Variants in PLEKHA3 observed in about 807,000 individuals in gnomAD.
PLEKHA3 encodes pleckstrin homology domain containing A3.
In PLEKHA3, 19 loss-of-function variants were observed where a neutral mutation model predicts 39.2. The observed-to-expected ratio is 0.48, with a 90% CI of 0.34 to 0.71. The LOEUF is 0.71. PLEKHA3 is among the 30% of genes least tolerant of loss of function. PLEKHA3 has a pLI of 0.01. For synonymous variants in PLEKHA3, 97 were observed against 118.6 expected (o/e 0.82, Z 1.18); for missense variants, 253 against 359.5 (o/e 0.70, Z 2.40).
At chr2:178,483,711 T>G (rs111619655) in intron 1 of PLEKHA3, among the ~76,000 whole-genome samples, 3,078 of 152,322 alleles carry the variant, frequency 0.02, 98 homozygotes, top group African/African-American at 0.069. Flanking sequence ...AAAGATAATG[T>G]TTTTATCATT....
At chr2:178,493,624 C>T (rs2154127791) in intron 3 of PLEKHA3, among the ~76,000 whole-genome samples, 1 of 152,284 alleles carries the variant, frequency 6.6e-6, no homozygotes, top group East Asian at 1.9e-4. Context: ...TGGTCATCAT[C>T]CTATCTCTGG....
At chr2:178,487,787 T>C (rs1685274694) in intron 2 of PLEKHA3, among the ~76,000 whole-genome samples, 1 of 152,194 alleles carries the variant, frequency 6.6e-6, no homozygotes, top group Non-Finnish European at 1.5e-5. Context: ...TCCAAAGTGA[T>C]TATATAAATT....
chr2:178,500,948 G>A, intron 6 of PLEKHA3, 113 bp from the exon 7 acceptor site: 1 of 721,222 alleles, frequency 1.4e-6, no homozygotes, highest in Middle Eastern at 4.1e-4. Context: ...ACGGGACGTT[G>A]AGCATAAAAA....
intron 1 of PLEKHA3, among the ~76,000 whole-genome samples, chr2:178,484,104 A>T (rs1246242082): frequency 1.3e-5 from 2 of 152,082 alleles, no homozygotes; most frequent in African/African-American, 4.8e-5. Context: ...AACAGCAACA[A>T]TCCCTGAAAT....
In PLEKHA3 at chr2:178,512,065, A is replaced by C. The variant is rs563433984; in HGVS notation, c.*8178A>C. ...AGGACTACCAGTGCAGCCAAGATGC[A>C]CAGCACCAGGATTAACTCATGAGAC... On this transcript the variant is annotated 3_prime_UTR_variant, in exon 8 of 8. Transcript: ENST00000234453. The C allele has an allele frequency of 1.3e-5, 2 of 152,360 alleles. No individual in the cohort carries two copies. Among genetic ancestry groups the C allele is most frequent in the East Asian group, 1.9e-4 (1 of 5,192 alleles). The allele number at this position is 152,360 out of a possible 1,614,324, so 9.4% of individuals were successfully genotyped here.
At chr2:178,492,163 A>C (rs1648306169) in intron 3 of PLEKHA3, among the ~76,000 whole-genome samples, 1 of 152,092 alleles carries the variant, frequency 6.6e-6, no homozygotes, top group African/African-American at 2.4e-5. Context: ...TTATATAATT[A>C]AATGCAAATT....
intron 6 of PLEKHA3, among the ~76,000 whole-genome samples, chr2:178,500,164 G>A (rs992458944): frequency 1.3e-5 from 2 of 151,986 alleles, no homozygotes; most frequent in East Asian, 3.8e-4. Flanking sequence ...TTAGTTCTTT[G>A]GAAAGTGATT....
chr2:178,515,762 A>G lies in PLEKHA3; in HGVS notation c.*11875A>G, dbSNP rs577310359. 6.6e-6 allele frequency: 1 copy of G among 152,154 alleles called. No homozygotes were observed. Among genetic ancestry groups the G allele is most frequent in the East Asian group, 1.9e-4 (1 of 5,192 alleles). 9.4% of individuals were successfully genotyped at this position (152,154 alleles called of 1,614,324 possible). On this transcript the variant is annotated 3_prime_UTR_variant, in exon 8 of 8. Transcript: ENST00000234453. ...TGAATTTAAAACTCACTGCTTTATT[A>G]TTTAATATCTTAGATACAATGACTA...
At chr2:178,502,464 A>C in intron 7 of PLEKHA3, 1 of 305,170 alleles carries the variant, frequency 3.3e-6, no homozygotes, top group East Asian at 1.5e-4. Flanking sequence ...TGAGTATGTG[A>C]AAAAAGTTAT....
Position 178,515,962 on chromosome 2 carries a change from T to C in PLEKHA3, c.*12075T>C. On this transcript the variant is annotated 3_prime_UTR_variant, in exon 8 of 8. Coordinates refer to ENST00000234453, the MANE Select transcript of PLEKHA3 (RefSeq NM_019091.4). ...AGTCTTTTCTTTGCGTGTTTAAATA[T>C]TGTTAGAAACATAAGCACATGAATT... 1 of 151,974 alleles carries C rather than the reference T, an allele frequency of 6.6e-6. No homozygotes were observed. The highest frequency in any genetic ancestry group is 1.9e-4 in the East Asian group (1 of 5,192). The allele number at this position is 151,974 out of a possible 1,614,324, so 9.4% of individuals were successfully genotyped here.
At chr2:178,494,596 G>A (rs1418569255) in intron 4 of PLEKHA3, among the ~76,000 whole-genome samples, 11 of 152,126 alleles carry the variant, frequency 7.2e-5, no homozygotes, top group Non-Finnish European at 1.2e-4. Flanking sequence ...TTCTCCTGTT[G>A]GGGAGGAATC....
chr2:178,512,505 T>C lies in PLEKHA3; in HGVS notation c.*8618T>C, dbSNP rs1486301795. 3 of 152,242 alleles carry C rather than the reference T, an allele frequency of 2.0e-5. No individual in the cohort carries two copies. The highest frequency in any genetic ancestry group is 6.5e-5 in the Admixed American group (1 of 15,286). The allele number at this position is 152,242 out of a possible 1,614,324, so 9.4% of individuals were successfully genotyped here. A position where few individuals can be genotyped will look rare whatever the true frequency, so the allele number is the denominator to read the frequency against. ...TTTGCAAGTTTGGCACAAAGACTTT[T>C]ACTCACTTAAATCTCAATATAAAGT... is the stretch of plus-strand genomic sequence containing the variant. On this transcript the variant is annotated 3_prime_UTR_variant, in exon 8 of 8. Coordinates refer to ENST00000234453, the MANE Select transcript of PLEKHA3 (RefSeq NM_019091.4).
chr2:178,496,232 A>G (rs1397954346), intron 5 of PLEKHA3, among the ~76,000 whole-genome samples: 1 of 152,156 alleles, frequency 6.6e-6, no homozygotes, highest in Non-Finnish European at 1.5e-5. Context: ...TTAGTTTCTT[A>G]CTTCCTTATT....
chr2:178,491,728 T>C (rs1291118754), intron 3 of PLEKHA3, among the ~76,000 whole-genome samples: 1 of 152,172 alleles, frequency 6.6e-6, no homozygotes, highest in Non-Finnish European at 1.5e-5. Context: ...GACACAATAC[T>C]TGAGACTGTA....
At chr2:178,484,541 C>T (rs1421996597) in intron 1 of PLEKHA3, among the ~76,000 whole-genome samples, 1 of 152,306 alleles carries the variant, frequency 6.6e-6, no homozygotes, top group Admixed American at 6.5e-5. Context: ...CCCATCTCCC[C>T]TCTCGGCACT....
chr2:178,502,402 A>G, intron 7 of PLEKHA3: 2 of 425,168 alleles, frequency 4.7e-6, no homozygotes, highest in South Asian at 1.7e-5. Context: ...TCTTGGGCCA[A>G]TCAAGCAAGA....
rs1325302908 is a variant in PLEKHA3, at chr2:178,510,874, G to C, written c.*6987G>C. 1.3e-5 allele frequency: 2 copies of C among 152,004 alleles called. No individual in the cohort carries two copies. Among genetic ancestry groups the C allele is most frequent in the Non-Finnish European group, 2.9e-5 (2 of 68,008 alleles). The allele number at this position is 152,004 out of a possible 1,614,324, so 9.4% of individuals were successfully genotyped here. A position where few individuals can be genotyped will look rare whatever the true frequency, so the allele number is the denominator to read the frequency against. ...AATTTTAATCTATTTTCTAATCAAA[G>C]TGTTTTGGGGAACATTTAATTTAAA... On this transcript the variant is annotated 3_prime_UTR_variant, in exon 8 of 8. Transcript: ENST00000234453.
chr2:178,488,690 T>A (rs1685295805), intron 2 of PLEKHA3, among the ~76,000 whole-genome samples: 1 of 152,232 alleles, frequency 6.6e-6, no homozygotes, highest in Non-Finnish European at 1.5e-5. Flanking sequence ...TTCAGTACTG[T>A]CTTGGCTATT....
At chr2:178,489,829 C>G (rs1015336462) in intron 2 of PLEKHA3, among the ~76,000 whole-genome samples, 2 of 152,156 alleles carry the variant, frequency 1.3e-5, no homozygotes, top group Non-Finnish European at 2.9e-5. Context: ...CATAATTACA[C>G]AAGAAATCTC....
Sources: allele counts gnomAD v4.1 joint callset (sites outside exome capture counted in the v4.1 genomes callset), GRCh38; gene constraint gnomAD v4.1.1; transcripts MANE v1.5; gene names NCBI Gene and HGNC (gene_info 2026-07-23, HGNC 2026-07-21).